LRP1B: variants seen among roughly 807,000 people sequenced by gnomAD.
The protein encoded by LRP1B is LDL receptor related protein 1B.
Under a neutral mutation model 556.6 loss-of-function variants are expected in LRP1B, and 217 were observed. That is an observed-to-expected ratio of 0.39 (90% CI 0.35 to 0.44). LRP1B has a LOEUF of 0.44. Among genes scored for constraint, LRP1B ranks in the 20% least tolerant of loss-of-function variants. The probability of loss-of-function intolerance (pLI) is 1.00; values close to 1 mark genes in which losing one functional copy is unlikely to be tolerated. For synonymous variants in LRP1B, 2,047 were observed against 1,865.8 expected, an observed-to-expected ratio of 1.10 and a Z score of -2.50; for missense variants, 5,053 against 5,620.8, an observed-to-expected ratio of 0.90 and a Z score of 3.23.
At chr2:141,803,580 C>T (rs1558886247) in intron 2 of LRP1B, among the ~76,000 whole-genome samples, 1 of 152,072 alleles carries the variant, frequency 6.6e-6, no homozygotes, top group Non-Finnish European at 1.5e-5. Context: ...TTCAGCTTTT[C>T]TACCTAACGA....
chr2:141,204,690 G>A (rs571416492), intron 6 of LRP1B, among the ~76,000 whole-genome samples: 1 of 152,230 alleles, frequency 6.6e-6, no homozygotes, highest in African/African-American at 2.4e-5. Context: ...TGTAAGAGAT[G>A]ACACTTTGGG....
At chr2:140,566,475 A>G (rs1039085783) in intron 43 of LRP1B, among the ~76,000 whole-genome samples, 1 of 152,018 alleles carries the variant, frequency 6.6e-6, no homozygotes, top group Admixed American at 6.6e-5. Context: ...ACTTGTCCCT[A>G]GGGGCCTCAG....
intron 1 of LRP1B, among the ~76,000 whole-genome samples, chr2:142,084,297 A>G (rs895025224): frequency 6.6e-6 from 1 of 151,960 alleles, no homozygotes; most frequent in African/African-American, 2.4e-5. Flanking sequence ...CTTCTTTTTC[A>G]TGATTCACGC....
chr2:141,384,534 G>A (rs6741352), intron 3 of LRP1B, among the ~76,000 whole-genome samples: 8,260 of 152,206 alleles, frequency 0.054, 259 homozygotes, highest in South Asian at 0.08. Flanking sequence ...TGGGGTGCCA[G>A]ATGAGTTGGT....
At chr2:140,670,711 T>C (rs1218726841) in intron 41 of LRP1B, among the ~76,000 whole-genome samples, 1 of 152,154 alleles carries the variant, frequency 6.6e-6, no homozygotes, top group Non-Finnish European at 1.5e-5. Context: ...AGCAGTTCAG[T>C]ACAAATCCAG....
At chr2:141,909,707 A>G (rs904473965) in intron 1 of LRP1B, among the ~76,000 whole-genome samples, 2 of 151,924 alleles carry the variant, frequency 1.3e-5, no homozygotes, top group African/African-American at 4.8e-5. Context: ...TAACTACTGA[A>G]TGTTTAAAAT....
chr2:141,022,282 G>A (rs1016906211), intron 11 of LRP1B, among the ~76,000 whole-genome samples: 1 of 148,394 alleles, frequency 6.7e-6, no homozygotes, highest in African/African-American at 2.5e-5. Flanking sequence ...TTTTCTGTTT[G>A]TGCTTTGATT....
At position 141,616,115 on chromosome 2, in the gene LRP1B, C is replaced by T. The variant is rs187521577; in HGVS notation, c.206-135582G>A. Among the ~76,000 whole-genome samples the T allele has an allele frequency of 2.0e-3, 304 of 151,972 alleles. 1 individual carries two copies. The highest frequency in any genetic ancestry group is 3.6e-3 in the Non-Finnish European group (247 of 67,972). On this transcript the variant is annotated intron_variant, in intron 2 of 90. Coordinates refer to ENST00000389484, the MANE Select transcript of LRP1B (RefSeq NM_018557.3). ...TGGCCAACATGTTGAAACCCTGTAT[C>T]TACTAAAAATACAAACATTAGCTGG...
chr2:140,573,476 A>G lies in LRP1B; in HGVS notation c.7194+25155T>C, dbSNP rs180815878. ...TTCAAATTTCTTCAAAAACAAGAAT[A>G]ACTAATCACCCCAAATTTGTAAATG... On this transcript the variant is annotated intron_variant, in intron 43 of 90. Coordinates refer to ENST00000389484, the MANE Select transcript of LRP1B (RefSeq NM_018557.3). Among the ~76,000 whole-genome samples, 122 of 152,048 alleles carry G rather than the reference A, an allele frequency of 8.0e-4. 2 individuals carry two copies. The highest frequency in any genetic ancestry group is 2.8e-3 in the African/African-American group (117 of 41,542).
rs141926823 is a variant in LRP1B at position 142,019,335 on chromosome 2, C to T, written c.82+111313G>A. 3.7e-3 allele frequency among the ~76,000 whole-genome samples: 570 copies of T among 152,238 alleles called. 5 individuals carry two copies. Among genetic ancestry groups the T allele is most frequent in the African/African-American group, 0.013 (543 of 41,552 alleles). On this transcript the variant is annotated intron_variant, in intron 1 of 90. Transcript: ENST00000389484. The stretch of plus-strand genomic sequence containing the variant: ...TTGGAAGGGAAAATAAAGTGAGTTT[C>T]CTAATTATGATACACGATAACCTTG...
At chr2:140,765,439 G>A (rs1559105210) in intron 35 of LRP1B, among the ~76,000 whole-genome samples, 1 of 152,110 alleles carries the variant, frequency 6.6e-6, no homozygotes, top group Non-Finnish European at 1.5e-5. Context: ...GGAGCAATGG[G>A]CTTTGCTTTG....
intron 1 of LRP1B, among the ~76,000 whole-genome samples, chr2:141,984,594 A>G (rs1446695339): frequency 6.6e-6 from 1 of 152,022 alleles, no homozygotes; most frequent in South Asian, 2.1e-4. Flanking sequence ...TTAGATTTAG[A>G]TTTTTCCCAT....
At chr2:141,542,736 T>C (rs1685305061) in intron 2 of LRP1B, among the ~76,000 whole-genome samples, 1 of 152,184 alleles carries the variant, frequency 6.6e-6, no homozygotes, top group Non-Finnish European at 1.5e-5. Context: ...AACTCTGCTC[T>C]CTTTGTCTCA....
intron 53 of LRP1B, among the ~76,000 whole-genome samples, chr2:140,505,329 A>T (rs150147520): frequency 6.6e-6 from 1 of 152,188 alleles, no homozygotes; most frequent in African/African-American, 2.4e-5. Context: ...CAGGCTCTCC[A>T]GCTCTGGAGT....
intron 1 of LRP1B, among the ~76,000 whole-genome samples, chr2:141,903,558 G>C (rs1288808946): frequency 6.6e-6 from 1 of 151,922 alleles, no homozygotes; most frequent in Non-Finnish European, 1.5e-5. Flanking sequence ...TTTAACATCT[G>C]TTAAGTTGTG....
chr2:142,095,677 G>A (rs1706334535), intron 1 of LRP1B, among the ~76,000 whole-genome samples: 1 of 151,636 alleles, frequency 6.6e-6, no homozygotes, highest in Admixed American at 6.6e-5. Context: ...CCTTTTTGAA[G>A]TAAGAAAATA....
chr2:141,071,373 T>G (rs973378600), intron 7 of LRP1B, among the ~76,000 whole-genome samples: 10 of 151,738 alleles, frequency 6.6e-5, no homozygotes, highest in Non-Finnish European at 1.0e-4. Flanking sequence ...ATAAGAGCTA[T>G]CTATGACAAA....
At chr2:141,478,916 A>C (rs1682813894) in intron 3 of LRP1B, among the ~76,000 whole-genome samples, 1 of 152,182 alleles carries the variant, frequency 6.6e-6, no homozygotes, top group African/African-American at 2.4e-5. Context: ...CATAAAAATA[A>C]AATCTCTCAT....
Position 142,123,960 on chromosome 2 carries a change from GA to G in LRP1B, c.82+6687del, listed in dbSNP as rs535589440. ...TTTACAACTATTCTGCAATATTTAA[GA>G]AGAAATCCCAAATGTAGACAATACA... On this transcript the variant is annotated intron_variant, in intron 1 of 90. Transcript: ENST00000389484. 3.4e-3 allele frequency among the ~76,000 whole-genome samples: 523 copies of G among 151,992 alleles called. 2 individuals are homozygous for G. Among genetic ancestry groups the G allele is most frequent in the African/African-American group, 0.011 (476 of 41,530 alleles).
Sources: allele counts gnomAD v4.1 joint callset (sites outside exome capture counted in the v4.1 genomes callset), GRCh38; gene constraint gnomAD v4.1.1; transcripts MANE v1.5; gene names NCBI Gene and HGNC (gene_info 2026-07-23, HGNC 2026-07-21).